The following CLTC variants were observed in gnomAD, a reference collection of about 807,000 sequenced individuals.
CLTC encodes the protein clathrin heavy chain 1.
Under a neutral mutation model 195.8 loss-of-function variants are expected in CLTC, and 16 were observed. The observed-to-expected ratio is 0.08, with a 90% CI of 0.06 to 0.12. CLTC has a LOEUF of 0.12. Among genes scored for constraint, CLTC ranks in the 10% least tolerant of loss-of-function variants. The pLI, the probability that CLTC is intolerant of heterozygous loss-of-function variation, is 1.00. For missense variants in CLTC, 796 were observed against 2,027.0 expected, an observed-to-expected ratio of 0.39 and a Z score of 11.66; for synonymous variants, 667 against 689.4, an observed-to-expected ratio of 0.97 and a Z score of 0.51.
In CLTC at chr17:59,683,084, C is replaced by G. The variant is rs754234744; in HGVS notation, c.3874-11C>G. 2 of 1,614,006 alleles carry G rather than the reference C, an allele frequency of 1.2e-6. No individual in the cohort carries two copies. Among genetic ancestry groups the G allele is most frequent in the Non-Finnish European group, 8.5e-7 (1 of 1,179,934 alleles). On this transcript the variant is annotated splice_polypyrimidine_tract_variant and intron_variant, in intron 24 of 31. Coordinates refer to ENST00000269122, the MANE Select transcript of CLTC (RefSeq NM_004859.4). This position sits in a 1 kb window ranked among gnomAD's most constrained non-coding sequence, Gnocchi z 6.1. The stretch of plus-strand genomic sequence containing the variant: ...TATTCTTATCTTTAACTGCACATTT[C>G]TCTTGTTCAGGATCGTGGCTATTTT...
intron 18 of CLTC, 82 bp from the exon 19 acceptor site, chr17:59,680,830 A>C: frequency 3.5e-6 from 4 of 1,151,606 alleles, no homozygotes; most frequent in Non-Finnish European, 4.8e-6. Flanking sequence ...TGCCTATTTC[A>C]AGTTTTCTAA....
chr17:59,671,464 T>A (rs2032846023), intron 14 of CLTC, among the ~76,000 whole-genome samples: 1 of 152,192 alleles, frequency 6.6e-6, no homozygotes, highest in South Asian at 2.1e-4. Flanking sequence ...ATCTTGAATA[T>A]TCAAGTGCCA....
rs753085647 is a variant in CLTC at position 59,693,869 on chromosome 17, T to C, written c.*17T>C. On this transcript the variant is annotated 3_prime_UTR_variant, in exon 32 of 32. Coordinates refer to ENST00000269122, the MANE Select transcript of CLTC (RefSeq NM_004859.4). ...AGCATGTGAGATGAAGCGCTGATCC[T>C]GTAGTCACCTATTTTCGTACTGAAA... 1.3e-5 allele frequency: 21 copies of C among 1,595,296 alleles called. No homozygotes were observed. Among genetic ancestry groups the C allele is most frequent in the Non-Finnish European group, 1.8e-5 (21 of 1,171,344 alleles).
At chr17:59,651,449 T>C (rs1249741818) in intron 5 of CLTC, 133 bp downstream of exon 5, 1 of 665,776 alleles carries the variant, frequency 1.5e-6, no homozygotes, top group East Asian at 2.8e-5. Context: ...TAGTGAAGCT[T>C]TGTAAAATAA....
Position 59,681,004 on chromosome 17 carries a change from C to T in CLTC, c.3012C>T (p.Leu1004=). ...TGACTGCAGACCTTCCTAATGAACT[C>T]ATTGAACTGCTGGAGAAAATTGTCC... The part of the protein sequence containing the change: ...AFMTADLPNE[L]IELLEKIVLD... The change falls in exon 19 of 32, where the codon CTC becomes CTT. Residue 1004 remains leucine (L), a synonymous_variant. Transcript: ENST00000269122. This position sits in a 1 kb window ranked among gnomAD's most constrained non-coding sequence, Gnocchi z 5.0. The T allele has an allele frequency of 6.2e-7, 1 of 1,613,976 alleles. No individual in the cohort carries two copies. The highest frequency in any genetic ancestry group is 1.1e-5 in the South Asian group (1 of 91,070).
At chr17:59,687,921 G>A (rs1447894055) in intron 30 of CLTC, among the ~76,000 whole-genome samples, 1 of 152,124 alleles carries the variant, frequency 6.6e-6, no homozygotes, top group African/African-American at 2.4e-5. Context: ...GGTTAGAAAA[G>A]GGTGGGAAGG....
chr17:59,624,447 C>T (rs1007299136), intron 1 of CLTC, among the ~76,000 whole-genome samples: 8 of 142,308 alleles, frequency 5.6e-5, no homozygotes, highest in African/African-American at 1.0e-4. Context: ...ATAATATGAG[C>T]CACATACTTT....
Position 59,681,898 on chromosome 17 carries a change from A to G in CLTC, c.3442+59A>G, listed in dbSNP as rs560460196. On this transcript the variant is annotated intron_variant, in intron 21 of 31. Transcript: ENST00000269122. The surrounding 1 kb of genome is among the most constrained non-coding windows in gnomAD (Gnocchi z 5.0). ...TAAAATGATTAAGCTAAGCATTAAGATATCTGTCTATTCTGAATTTTAGAA... is the reference window on the plus strand; with the variant it reads ...TAAAATGATTAAGCTAAGCATTAAGGTATCTGTCTATTCTGAATTTTAGAA... 2.8e-6 allele frequency: 4 copies of G among 1,409,932 alleles called. No homozygotes were observed. In the African/African-American group the frequency reaches 4.3e-5, roughly 15 times the overall value. The allele number at this position is 1,409,932 out of a possible 1,614,324, so 87.3% of individuals were successfully genotyped here. A position where few individuals can be genotyped will look rare whatever the true frequency, so the allele number is the denominator to read the frequency against.
intron 31 of CLTC, among the ~76,000 whole-genome samples, chr17:59,691,728 C>T (rs1211127629): frequency 2.7e-5 from 4 of 149,804 alleles, no homozygotes; most frequent in African/African-American, 9.8e-5. Context: ...GTTTTGTCTC[C>T]TTTTTACTGT....
At chr17:59,692,428 A>G (rs1181623299) in intron 31 of CLTC, among the ~76,000 whole-genome samples, 1 of 152,268 alleles carries the variant, frequency 6.6e-6, no homozygotes, top group Non-Finnish European at 1.5e-5. Flanking sequence ...ATCTTGATCT[A>G]GGTTTACACT....
intron 1 of CLTC, among the ~76,000 whole-genome samples, chr17:59,626,035 A>G (rs1239623644): frequency 6.6e-6 from 1 of 152,230 alleles, no homozygotes; most frequent in Non-Finnish European, 1.5e-5. Flanking sequence ...CAATGACACA[A>G]TATTCATTTA....
At position 59,635,342 on chromosome 17, in the gene CLTC, G is replaced by C. The variant is rs963232369; in HGVS notation, c.43-8934G>C. Among the ~76,000 whole-genome samples, 13 of 152,320 alleles carry C rather than the reference G, an allele frequency of 8.5e-5. No homozygotes were observed. In the East Asian group the frequency reaches 2.5e-3, roughly 29 times the overall value. ...GTTTGATTTTCAGCTGATAAAGCTGGTAAATGAGTTATACTACAAATCTAT... is the reference window on the plus strand; with the variant it reads ...GTTTGATTTTCAGCTGATAAAGCTGCTAAATGAGTTATACTACAAATCTAT... On this transcript the variant is annotated intron_variant, in intron 1 of 31. Coordinates refer to ENST00000269122, the MANE Select transcript of CLTC (RefSeq NM_004859.4).
At chr17:59,668,740 G>A in intron 13 of CLTC, 37 bp from the exon 14 acceptor site, 1 of 1,514,722 alleles carries the variant, frequency 6.6e-7, no homozygotes, top group Non-Finnish European at 8.9e-7. Context: ...TCTCAAAAGT[G>A]TGCCTATGCT....
rs962452298 is a variant in CLTC, at chr17:59,693,375, T to C, written c.4904-353T>C. On this transcript the variant is annotated intron_variant, in intron 31 of 31. Coordinates refer to ENST00000269122, the MANE Select transcript of CLTC (RefSeq NM_004859.4). ...GAGCCAGATTCTTTTTTTTTTTTTT[T>C]TTTTTAAAAAGTCTTTTAAAAAATT... Among the ~76,000 whole-genome samples, 64 of 151,380 alleles carry C rather than the reference T, an allele frequency of 4.2e-4. 1 individual carries two copies. The highest frequency in any genetic ancestry group is 4.2e-3 in the Admixed American group (64 of 15,168).
chr17:59,693,497 A>T (rs1385479802), intron 31 of CLTC, among the ~76,000 whole-genome samples: 1 of 152,094 alleles, frequency 6.6e-6, no homozygotes, highest in Non-Finnish European at 1.5e-5. Flanking sequence ...TTCAGTCATA[A>T]GCAGTTCTGG....
chr17:59,676,141 G>A (rs2032960943), intron 16 of CLTC, among the ~76,000 whole-genome samples: 1 of 152,142 alleles, frequency 6.6e-6, no homozygotes, highest in Non-Finnish European at 1.5e-5. Flanking sequence ...AGGAGGTCAG[G>A]GCCGCAGTGA....
intron 1 of CLTC, among the ~76,000 whole-genome samples, chr17:59,623,057 T>G (rs544719803): frequency 6.6e-6 from 1 of 152,362 alleles, no homozygotes; most frequent in Admixed American, 6.5e-5. Flanking sequence ...TTGCCTGTGA[T>G]TCTTAATTTT....
At chr17:59,640,506 C>T (rs930140441) in intron 1 of CLTC, among the ~76,000 whole-genome samples, 3 of 151,846 alleles carry the variant, frequency 2.0e-5, no homozygotes, top group African/African-American at 7.3e-5. Flanking sequence ...AAGCGATTCT[C>T]CTGCCTCAGC....
In CLTC at chr17:59,679,529, G is replaced by C; in HGVS notation, c.2919+10G>C. 22 of 1,572,320 alleles carry C rather than the reference G, an allele frequency of 1.4e-5. No homozygotes were observed. Among genetic ancestry groups the C allele is most frequent in the Non-Finnish European group, 1.8e-5 (21 of 1,157,758 alleles). ...ACCCCTAATTGACCAGGTAACATTG[G>C]CAAATGTGTTTATGGCTGTCAGTAA... On this transcript the variant is annotated intron_variant, in intron 18 of 31. Coordinates refer to ENST00000269122, the MANE Select transcript of CLTC (RefSeq NM_004859.4).
Sources: gnomAD v4.1 joint callset for allele counts (sites outside exome capture counted in the v4.1 genomes callset) on GRCh38, gnomAD v4.1.1 for gene constraint, Gnocchi (gnomAD v3.1) non-coding constraint, MANE v1.5 for transcripts, NCBI Gene and HGNC (gene_info 2026-07-23, HGNC 2026-07-21) for gene names.